Variants in ADGRV1 observed in about 807,000 individuals in gnomAD.
ADGRV1 encodes adhesion G protein-coupled receptor V1.
In ADGRV1, 359 loss-of-function variants were observed where a neutral mutation model predicts 596.2. That is an observed-to-expected ratio of 0.60 (90% CI 0.55 to 0.66). The LOEUF is 0.66. ADGRV1 is among the 30% of genes least tolerant of loss of function. The pLI, the probability that ADGRV1 is intolerant of heterozygous loss-of-function variation, is 0.00. For missense variants in ADGRV1, 7,274 were observed against 7,575.6 expected (o/e 0.96, Z 1.48); for synonymous variants, 2,681 against 2,679.2 (o/e 1.00, Z -0.02).
intron 84 of ADGRV1, among the ~76,000 whole-genome samples, chr5:90,979,041 A>G (rs1245368093): frequency 6.6e-6 from 1 of 152,208 alleles, no homozygotes. Flanking sequence ...AAGATACAGA[A>G]CAAATTATCT....
At chr5:90,631,271 T>G (rs1649377850) in intron 9 of ADGRV1, among the ~76,000 whole-genome samples, 1 of 152,162 alleles carries the variant, frequency 6.6e-6, no homozygotes, top group South Asian at 2.1e-4. Context: ...TGTTCTGAAT[T>G]TTGTAAGACT....
In ADGRV1 at chr5:90,706,007, A is replaced by G. The variant is rs115063460; in HGVS notation, c.8567-224A>G. On this transcript the variant is annotated intron_variant, in intron 37 of 89. Coordinates refer to ENST00000405460, the MANE Select transcript of ADGRV1 (RefSeq NM_032119.4). Reference sequence around the variant, plus strand: ...TGTTCTATTGGCCAAAACAAGTCACATATCCAAATTCAAAGTCTAGAGGCA... The same window carrying G: ...TGTTCTATTGGCCAAAACAAGTCACGTATCCAAATTCAAAGTCTAGAGGCA... 2.3e-3 allele frequency among the ~76,000 whole-genome samples: 348 copies of G among 152,276 alleles called. 5 individuals are homozygous for G. Among genetic ancestry groups the G allele is most frequent in the African/African-American group, 8.2e-3 (339 of 41,562 alleles).
chr5:90,970,341 T>G (rs1778851116), intron 84 of ADGRV1, among the ~76,000 whole-genome samples: 1 of 152,166 alleles, frequency 6.6e-6, no homozygotes, highest in Admixed American at 6.5e-5. Flanking sequence ...CTCTGCAGAC[T>G]TAAGTGTCCC....
chr5:90,763,201 A>G (rs1410003824), intron 58 of ADGRV1, 104 bp from the exon 59 acceptor site: 9 of 1,028,484 alleles, frequency 8.8e-6, no homozygotes, highest in Non-Finnish European at 1.1e-5. Context: ...AACATTCTAA[A>G]TTATAAAACT....
chr5:90,724,979 T>A lies in ADGRV1; in HGVS notation c.9896T>A (p.Ile3299Asn), dbSNP rs761728818. ...GTTTACCGATGGCAGGGGATTTTTA[T>A]TCCAGTTGAGGTAAACATCAGTATT... ...VTVYRWQGIFIPVEDLNIENP... is the reference protein window; with the variant it reads ...VTVYRWQGIFNPVEDLNIENP... The change falls in exon 46 of 90, where the codon ATT becomes AAT. Residue 3299 changes from isoleucine (I) to asparagine (N), a missense_variant. Ile to Asn is a moderately radical substitution (Grantham distance 149, BLOSUM62 -3). This residue lies in a region of ADGRV1 where 3,643 missense variants were observed against 3,809.2 expected (regional missense o/e 0.96). Transcript: ENST00000405460. 3 of 1,600,082 alleles carry A rather than the reference T, an allele frequency of 1.9e-6. No individual in the cohort carries two copies. The highest frequency in any genetic ancestry group is 1.7e-5 in the Admixed American group (1 of 57,160).
At chr5:91,007,527 A>G (rs1697105253) in intron 85 of ADGRV1, among the ~76,000 whole-genome samples, 1 of 152,174 alleles carries the variant, frequency 6.6e-6, no homozygotes, top group Non-Finnish European at 1.5e-5. Context: ...ATATCCTCAG[A>G]ACAGAGCATA....
intron 87 of ADGRV1, among the ~76,000 whole-genome samples, chr5:91,146,156 A>T (rs768588972): frequency 1.3e-5 from 2 of 152,130 alleles, no homozygotes; most frequent in Non-Finnish European, 2.9e-5. Context: ...TTTTATTTTT[A>T]TGTATTTAAT....
At chr5:90,955,812 ACT>A (rs954344834) in intron 83 of ADGRV1, among the ~76,000 whole-genome samples, 1 of 152,152 alleles carries the variant, frequency 6.6e-6, no homozygotes, top group Non-Finnish European at 1.5e-5. Context: ...GGAAATGATA[ACT>A]CTCTCAATAA....
At chr5:90,832,275 T>C (rs1764589886) in intron 77 of ADGRV1, among the ~76,000 whole-genome samples, 1 of 152,204 alleles carries the variant, frequency 6.6e-6, no homozygotes, top group Non-Finnish European at 1.5e-5. Flanking sequence ...TTATTGCCTT[T>C]CTTTTGCATA....
At chr5:90,581,041 A>C (rs1757966067) in intron 1 of ADGRV1, among the ~76,000 whole-genome samples, 1 of 152,344 alleles carries the variant, frequency 6.6e-6, no homozygotes, top group African/African-American at 2.4e-5. Context: ...CCCTTGATCG[A>C]ATTGGCTATT....
At chr5:91,042,838 C>G (rs1438350319) in intron 85 of ADGRV1, among the ~76,000 whole-genome samples, 2 of 152,162 alleles carry the variant, frequency 1.3e-5, no homozygotes, top group Admixed American at 6.5e-5. Flanking sequence ...AAAGCAGCCT[C>G]CATGACAGTT....
Position 91,115,535 on chromosome 5 carries a change from T to C in ADGRV1, c.18432+13195T>C, listed in dbSNP as rs139160144. On this transcript the variant is annotated intron_variant, in intron 87 of 89. Transcript: ENST00000405460. Reference sequence around the variant, plus strand: ...ATCACCAAAACTAAAACAATAAATATGGAAGTTGAGTAAGATCTTAGAATC... The same window carrying C: ...ATCACCAAAACTAAAACAATAAATACGGAAGTTGAGTAAGATCTTAGAATC... Among the ~76,000 whole-genome samples the C allele has an allele frequency of 6.0e-4, 91 of 152,318 alleles. 3 individuals are homozygous for C. The East Asian group carries it at 0.017, about 28-fold the overall frequency.
intron 65 of ADGRV1, among the ~76,000 whole-genome samples, chr5:90,782,391 G>A (rs955369825): frequency 1.1e-4 from 16 of 151,922 alleles, no homozygotes; most frequent in Admixed American, 1.1e-3. Context: ...ATGAGACTTG[G>A]AATTTTTTCA....
chr5:90,693,441 G>C (rs1318003527), intron 32 of ADGRV1, among the ~76,000 whole-genome samples: 1 of 151,790 alleles, frequency 6.6e-6, no homozygotes, highest in East Asian at 1.9e-4. Context: ...TTTAAAGTTT[G>C]TATTTTTTAA....
intron 72 of ADGRV1, among the ~76,000 whole-genome samples, chr5:90,805,863 A>G (rs151140718): frequency 1.1e-3 from 160 of 152,268 alleles, no homozygotes; most frequent in African/African-American, 3.3e-3. Context: ...TTATTTTTTA[A>G]AGTATACCAT....
intron 83 of ADGRV1, among the ~76,000 whole-genome samples, chr5:90,964,182 G>A (rs1778258196): frequency 1.3e-5 from 2 of 151,988 alleles, no homozygotes; most frequent in Non-Finnish European, 2.9e-5. Context: ...ACAACATTTT[G>A]TTCCATGGTC....
At chr5:91,103,402 C>A (rs561641533) in intron 87 of ADGRV1, among the ~76,000 whole-genome samples, 50 of 150,982 alleles carry the variant, frequency 3.3e-4, no homozygotes, top group Middle Eastern at 6.8e-3. Flanking sequence ...AGTGAACAAT[C>A]AGCTCTAAGA....
intron 87 of ADGRV1, among the ~76,000 whole-genome samples, chr5:91,142,338 T>C (rs563715664): frequency 6.6e-6 from 1 of 152,340 alleles, no homozygotes; most frequent in East Asian, 1.9e-4. Context: ...GGTTACAGCT[T>C]AAAGGAAGGT....
chr5:90,933,164 C>G (rs1775402718), intron 83 of ADGRV1, among the ~76,000 whole-genome samples: 1 of 152,018 alleles, frequency 6.6e-6, no homozygotes, highest in East Asian at 1.9e-4. Context: ...GGGCCTTGTT[C>G]TATATTTTGT....
Sources: gnomAD v4.1 joint callset for allele counts (sites outside exome capture counted in the v4.1 genomes callset) on GRCh38, gnomAD v4.1.1 for gene constraint, gnomAD v4.1.1 regional missense constraint, MANE v1.5 for transcripts, NCBI Gene and HGNC (gene_info 2026-07-23, HGNC 2026-07-21) for gene names.